Variants in HYCC1 observed in about 807,000 individuals in gnomAD.
HYCC1 encodes the protein hyccin.
At chr7:22,970,518 G>T in the HYCC1 span, among the ~76,000 whole-genome samples, 1 of 151,834 alleles carries the variant, frequency 6.6e-6, no homozygotes, top group Non-Finnish European at 1.5e-5. Flanking sequence ...AACAAACAAG[G>T]TAATTACAGT....
the HYCC1 span, among the ~76,000 whole-genome samples, chr7:22,982,478 G>A: frequency 6.6e-6 from 1 of 152,194 alleles, no homozygotes; most frequent in African/African-American, 2.4e-5. Flanking sequence ...AATTTTGGTA[G>A]TTTCATCCCA....
the HYCC1 span, among the ~76,000 whole-genome samples, chr7:22,965,574 T>G: frequency 5.4e-5 from 4 of 73,872 alleles, no homozygotes; most frequent in Non-Finnish European, 6.2e-5. Context: ...AAAATAAAAA[T>G]AAAAAGAAGA....
the HYCC1 span, among the ~76,000 whole-genome samples, chr7:22,998,871 A>G: frequency 6.6e-6 from 1 of 152,282 alleles, no homozygotes; most frequent in East Asian, 1.9e-4. Flanking sequence ...TATGGTCATA[A>G]TTTACCTATC....
At chr7:23,012,860 G>C in the HYCC1 span, among the ~76,000 whole-genome samples, 3 of 152,142 alleles carry the variant, frequency 2.0e-5, no homozygotes, top group African/African-American at 7.2e-5. Flanking sequence ...CAAAGAGGTG[G>C]CCCACCTGCT....
At chr7:23,011,045 C>T in the HYCC1 span, among the ~76,000 whole-genome samples, 1 of 152,212 alleles carries the variant, frequency 6.6e-6, no homozygotes, top group African/African-American at 2.4e-5. Context: ...CCTAACTTGA[C>T]ACCTCCTTAC....
At chr7:22,984,435 A>G in the HYCC1 span, among the ~76,000 whole-genome samples, 1 of 152,178 alleles carries the variant, frequency 6.6e-6, no homozygotes, top group Non-Finnish European at 1.5e-5. Flanking sequence ...AGATGGGAAT[A>G]TAGGCCAGGC....
the HYCC1 span, among the ~76,000 whole-genome samples, chr7:22,988,106 A>G: frequency 6.6e-6 from 1 of 152,100 alleles, no homozygotes. Flanking sequence ...CTCTTTGTCA[A>G]ACATAGAGCT....
At chr7:23,004,294 A>C in the HYCC1 span, among the ~76,000 whole-genome samples, 1 of 152,220 alleles carries the variant, frequency 6.6e-6, no homozygotes, top group Non-Finnish European at 1.5e-5. Context: ...ATTGTTTTTG[A>C]AGAAAGGGTT....
chr7:22,969,864 G>C, the HYCC1 span, among the ~76,000 whole-genome samples: 1 of 152,082 alleles, frequency 6.6e-6, no homozygotes, highest in African/African-American at 2.4e-5. Context: ...TCAGTTGGTT[G>C]CCATAGGAAG....
At chr7:22,926,181 A>T in the HYCC1 span, among the ~76,000 whole-genome samples, 1 of 152,112 alleles carries the variant, frequency 6.6e-6, no homozygotes, top group Non-Finnish European at 1.5e-5. Flanking sequence ...TCCTGAAGGA[A>T]GCACTAAACA....
At chr7:22,947,365 A>G in the HYCC1 span, 3 of 720,772 alleles carry the variant, frequency 4.2e-6, no homozygotes, top group South Asian at 3.7e-5. Flanking sequence ...ATTAAGCCAA[A>G]TATTTGCACT....
chr7:22,985,176 A>G, the HYCC1 span, among the ~76,000 whole-genome samples: 37,090 of 152,168 alleles, frequency 0.24, 5,251 homozygotes, highest in Non-Finnish European at 0.32. Context: ...CACTCTAAAC[A>G]TACATTATTC....
chr7:22,897,923 C>T, the HYCC1 span, among the ~76,000 whole-genome samples: 1 of 151,560 alleles, frequency 6.6e-6, no homozygotes, highest in Non-Finnish European at 1.5e-5. Context: ...TCTGAGCCAC[C>T]ACACCTGGCT....
At chr7:22,924,597 T>G in the HYCC1 span, among the ~76,000 whole-genome samples, 3 of 152,298 alleles carry the variant, frequency 2.0e-5, no homozygotes, top group East Asian at 5.8e-4. Context: ...AGCACAGCAG[T>G]CTGAGATCAA....
the HYCC1 span, among the ~76,000 whole-genome samples, chr7:22,930,955 AAC>A: frequency 6.6e-6 from 1 of 152,132 alleles, no homozygotes; most frequent in Non-Finnish European, 1.5e-5. Context: ...TGATTTTAAA[AAC>A]ACTCAACAAA....
the HYCC1 span, among the ~76,000 whole-genome samples, chr7:22,924,435 A>G: frequency 1.3e-5 from 2 of 152,180 alleles, no homozygotes; most frequent in Non-Finnish European, 2.9e-5. Context: ...TTTCCTAGTC[A>G]AAGAAAGGGG....
chr7:22,928,035 G>A, the HYCC1 span, among the ~76,000 whole-genome samples: 9 of 152,098 alleles, frequency 5.9e-5, no homozygotes, highest in South Asian at 4.1e-4. Flanking sequence ...TTCAATATAC[G>A]AAAATCAATA....
the HYCC1 span, among the ~76,000 whole-genome samples, chr7:22,926,568 G>A: frequency 2.6e-5 from 4 of 152,106 alleles, no homozygotes; most frequent in Non-Finnish European, 4.4e-5. Flanking sequence ...AACCAACAAA[G>A]ATCAAAAGAA....
the HYCC1 span, among the ~76,000 whole-genome samples, chr7:22,984,861 T>C: frequency 4.6e-5 from 7 of 152,178 alleles, no homozygotes; most frequent in Admixed American, 6.5e-5. Context: ...CCTAATGCCA[T>C]TTAAAATACA....
Sources: allele counts gnomAD v4.1 joint callset (sites outside exome capture counted in the v4.1 genomes callset), GRCh38; gene constraint gnomAD v4.1.1; transcripts MANE v1.5; gene names NCBI Gene and HGNC (gene_info 2026-07-23, HGNC 2026-07-21).